Variants in C8orf34 observed in about 807,000 individuals in gnomAD.
The protein encoded by C8orf34 is uncharacterized protein C8orf34.
In C8orf34, 65 loss-of-function variants were observed where a neutral mutation model predicts 68.3. That is an observed-to-expected ratio of 0.95 (90% confidence interval 0.78 to 1.17). The LOEUF is 1.17. Among genes scored for constraint, C8orf34 ranks in the 50% most tolerant of loss-of-function variants. The pLI is 0.00. For synonymous variants in C8orf34, 244 were observed against 241.2 expected (o/e 1.01, Z -0.11); for missense variants, 664 against 655.4 (o/e 1.01, Z -0.14).
At chr8:68,518,550 C>T (rs559523187) in intron 5 of C8orf34, among the ~76,000 whole-genome samples, 3 of 152,240 alleles carry the variant, frequency 2.0e-5, no homozygotes, top group Admixed American at 2.0e-4. Context: ...ACTCTCCAAA[C>T]TCATAGTCCA....
intron 7 of C8orf34, among the ~76,000 whole-genome samples, chr8:68,585,648 G>T (rs1049552560): frequency 1.3e-5 from 2 of 152,088 alleles, no homozygotes; most frequent in African/African-American, 2.4e-5. Context: ...ATGTGAGTTT[G>T]CAGTCAGTGG....
intron 8 of C8orf34, among the ~76,000 whole-genome samples, chr8:68,653,410 T>C (rs1378399602): frequency 1.3e-5 from 2 of 152,214 alleles, no homozygotes; most frequent in Non-Finnish European, 2.9e-5. Flanking sequence ...TTACCTTCAA[T>C]TTGAGACCAA....
intron 7 of C8orf34, among the ~76,000 whole-genome samples, chr8:68,589,457 G>A (rs1277956870): frequency 2.7e-5 from 4 of 148,466 alleles, no homozygotes; most frequent in Non-Finnish European, 4.5e-5. Flanking sequence ...AAGAATGAAA[G>A]AGAAAGAAAG....
At chr8:68,608,206 A>G (rs1331629473) in intron 7 of C8orf34, among the ~76,000 whole-genome samples, 1 of 152,156 alleles carries the variant, frequency 6.6e-6, no homozygotes, top group Non-Finnish European at 1.5e-5. Flanking sequence ...CAAAAATTAT[A>G]ATACCATGTG....
chr8:68,420,460 T>C lies in C8orf34; in HGVS notation c.328-19039T>C, dbSNP rs374130108. ...CAGGTACCAGGCGCTACTTTCTACTTTCTGGAGGAAGGTAGCATCCTCCTA... is the reference window on the plus strand; with the variant it reads ...CAGGTACCAGGCGCTACTTTCTACTCTCTGGAGGAAGGTAGCATCCTCCTA... On this transcript the variant is annotated intron_variant, in intron 1 of 13. Coordinates refer to ENST00000518698, the MANE Select transcript of C8orf34 (RefSeq NM_052958.4). 1.6e-4 allele frequency among the ~76,000 whole-genome samples: 25 copies of C among 152,228 alleles called. 1 individual carries two copies. Among genetic ancestry groups the C allele is most frequent in the Admixed American group, 1.3e-3 (20 of 15,278 alleles).
chr8:68,339,959 T>C lies in C8orf34; in HGVS notation c.327+8620T>C, dbSNP rs552780353. On this transcript the variant is annotated intron_variant, in intron 1 of 13. Transcript: ENST00000518698. ...AGAAGAGAAAAAACAATTCAATAAA[T>C]AAACAACATAATTGAATAAAAACTT... is the stretch of plus-strand genomic sequence containing the variant. Among the ~76,000 whole-genome samples, 31 of 152,044 alleles carry C rather than the reference T, an allele frequency of 2.0e-4. No individual in the cohort carries two copies. In the South Asian group the frequency reaches 5.0e-3, roughly 24 times the overall value.
At chr8:68,573,038 A>G (rs1329355220) in intron 7 of C8orf34, among the ~76,000 whole-genome samples, 3 of 151,866 alleles carry the variant, frequency 2.0e-5, no homozygotes, top group African/African-American at 4.8e-5. Context: ...ATTTTCTTCA[A>G]CTACTCCACA....
intron 5 of C8orf34, among the ~76,000 whole-genome samples, chr8:68,494,617 A>T (rs1813445233): frequency 6.6e-6 from 1 of 152,140 alleles, no homozygotes; most frequent in Non-Finnish European, 1.5e-5. Flanking sequence ...GCACTTTGGT[A>T]GGCCGAGGAG....
chr8:68,509,427 G>T (rs2129633200), intron 5 of C8orf34, among the ~76,000 whole-genome samples: 1 of 152,264 alleles, frequency 6.6e-6, no homozygotes, highest in African/African-American at 2.4e-5. Flanking sequence ...GCAAAAAAAA[G>T]CTTTATCCTT....
At chr8:68,551,987 A>C (rs1450458711) in intron 7 of C8orf34, among the ~76,000 whole-genome samples, 1 of 152,132 alleles carries the variant, frequency 6.6e-6, no homozygotes, top group Non-Finnish European at 1.5e-5. Flanking sequence ...TCAAAAGATG[A>C]ATTTTTTCCA....
chr8:68,556,946 T>A (rs1816275203), intron 7 of C8orf34, among the ~76,000 whole-genome samples: 1 of 152,234 alleles, frequency 6.6e-6, no homozygotes. Flanking sequence ...GAAATAAGAA[T>A]GCTTATAATA....
At chr8:68,394,886 G>A (rs1183466424) in intron 1 of C8orf34, among the ~76,000 whole-genome samples, 1 of 151,952 alleles carries the variant, frequency 6.6e-6, no homozygotes, top group Non-Finnish European at 1.5e-5. Context: ...TTAAAAATGT[G>A]GTAATTCTAG....
chr8:68,343,058 G>T (rs527884667), intron 1 of C8orf34, among the ~76,000 whole-genome samples: 2 of 152,292 alleles, frequency 1.3e-5, no homozygotes, highest in South Asian at 2.1e-4. Context: ...ATGAATACCT[G>T]CAAGATAAGG....
intron 1 of C8orf34, among the ~76,000 whole-genome samples, chr8:68,335,729 C>T (rs1274811387): frequency 1.3e-5 from 2 of 151,994 alleles, no homozygotes; most frequent in Non-Finnish European, 1.5e-5. Flanking sequence ...CACTATATAA[C>T]CTTAGAAATA....
intron 8 of C8orf34, among the ~76,000 whole-genome samples, chr8:68,656,796 A>G (rs1347579614): frequency 6.6e-6 from 1 of 152,118 alleles, no homozygotes; most frequent in East Asian, 1.9e-4. Flanking sequence ...CACCCCAAGT[A>G]GGTTTCTCCC....
Position 68,331,112 on chromosome 8 carries a change from A to G in C8orf34, c.100A>G (p.Thr34Ala), listed in dbSNP as rs1177694707. The part of the protein sequence containing the change: ...PHARVAPRAA[T>A]HARGRGRASH... ...CGCGCGCGTGGCTCCCCGGGCTGCC[A>G]CCCACGCCCGCGGCCGGGGCCGAGC... Residue 34 changes from threonine (T) to alanine (A), a missense_variant, in exon 1 of 14, where the codon ACC becomes GCC. Physicochemically the swap from Thr to Ala is moderately conservative, Grantham distance 58. Transcript: ENST00000518698. 29 of 1,506,938 alleles carry G rather than the reference A, an allele frequency of 1.9e-5. No individual in the cohort carries two copies. Among genetic ancestry groups the G allele is most frequent in the East Asian group, 1.0e-4 (4 of 39,150 alleles). 93.3% of individuals were successfully genotyped at this position (1,506,938 alleles called of 1,614,324 possible).
chr8:68,332,677 A>G (rs551324531), intron 1 of C8orf34, among the ~76,000 whole-genome samples: 24 of 152,318 alleles, frequency 1.6e-4, no homozygotes, highest in African/African-American at 5.5e-4. Context: ...TCACATAACA[A>G]GATTTGCAAG....
Position 68,727,473 on chromosome 8 carries a change from G to A in C8orf34, c.1404+6036G>A, listed in dbSNP as rs545796990. ...CTACCATGCTCGGATCTGGAGGACCGTGGCCCTCTTCTCACAGCTCCACTA... is the reference window on the plus strand; with the variant it reads ...CTACCATGCTCGGATCTGGAGGACCATGGCCCTCTTCTCACAGCTCCACTA... On this transcript the variant is annotated intron_variant, in intron 10 of 13. Transcript: ENST00000518698. 4.6e-5 allele frequency among the ~76,000 whole-genome samples: 7 copies of A among 152,280 alleles called. No individual in the cohort carries two copies. In the South Asian group the frequency reaches 1.0e-3, roughly 23 times the overall value.
At chr8:68,465,647 T>C (rs960898818) in intron 3 of C8orf34, among the ~76,000 whole-genome samples, 2 of 152,106 alleles carry the variant, frequency 1.3e-5, no homozygotes, top group Admixed American at 6.5e-5. Flanking sequence ...TCATGTCCTT[T>C]GTAGGGACAC....
Sources: gnomAD v4.1 joint callset for allele counts (sites outside exome capture counted in the v4.1 genomes callset) on GRCh38, gnomAD v4.1.1 for gene constraint, MANE v1.5 for transcripts, NCBI Gene and HGNC (gene_info 2026-07-23, HGNC 2026-07-21) for gene names.